The following CCDC13 variants were observed in gnomAD, a reference collection of about 807,000 sequenced individuals.
The protein encoded by CCDC13 is coiled-coil domain-containing protein 13.
Under a neutral mutation model 87.3 loss-of-function variants are expected in CCDC13, and 70 were observed. The observed-to-expected ratio is 0.80, with a 90% confidence interval of 0.66 to 0.98. CCDC13 has a LOEUF of 0.98. CCDC13 is among the 50% of genes least tolerant of loss of function. The probability of loss-of-function intolerance (pLI) is 0.00; values close to 1 mark genes in which losing one functional copy is unlikely to be tolerated. For synonymous variants in CCDC13, 317 were observed against 360.3 expected, an observed-to-expected ratio of 0.88 and a Z score of 1.36; for missense variants, 842 against 892.0, an observed-to-expected ratio of 0.94 and a Z score of 0.71.
chr3:42,756,806 T>C (rs1452568982), intron 3 of CCDC13, among the ~76,000 whole-genome samples: 2 of 152,184 alleles, frequency 1.3e-5, no homozygotes, highest in African/African-American at 2.4e-5. Context: ...ACATTGCCTA[T>C]GATGCTTGCC....
intron 9 of CCDC13, 127 bp downstream of exon 9, chr3:42,739,507 G>T (rs1699141563): frequency 1.9e-6 from 2 of 1,044,742 alleles, no homozygotes; most frequent in South Asian, 1.6e-5. Flanking sequence ...CCATCTGGAG[G>T]CAACGGGCTT....
In CCDC13 at chr3:42,743,658, AAT is replaced by A. The variant is rs539369504; in HGVS notation, c.826-603_826-602del. Among the ~76,000 whole-genome samples, 18 of 140,388 alleles carry A rather than the reference AAT, an allele frequency of 1.3e-4. No individual in the cohort carries two copies. The East Asian group carries it at 2.1e-3, about 17-fold the overall frequency. 92.1% of individuals were successfully genotyped at this position (140,388 alleles called of 152,430 possible). A position where few individuals can be genotyped will look rare whatever the true frequency, so the allele number is the denominator to read the frequency against. On this transcript the variant is annotated intron_variant, in intron 7 of 15. Coordinates refer to ENST00000310232, the MANE Select transcript of CCDC13 (RefSeq NM_144719.4). ...ACACACACATAAATATATAAATATA[AAT>A]ATATATATATATAAAATTTGGTAGA...
At chr3:42,738,410 A>T (rs949788972) in intron 9 of CCDC13, among the ~76,000 whole-genome samples, 2 of 152,120 alleles carry the variant, frequency 1.3e-5, no homozygotes, top group Non-Finnish European at 2.9e-5. Context: ...TTTTGATTCC[A>T]TATGAACTTT....
rs200185877 is a variant in CCDC13 at position 42,738,536 on chromosome 3, C to A, written c.1164+1098G>T. Among the ~76,000 whole-genome samples, 14 of 152,260 alleles carry A rather than the reference C, an allele frequency of 9.2e-5. No individual in the cohort carries two copies. In the East Asian group the frequency reaches 2.7e-3, roughly 29 times the overall value. Reference sequence around the variant, plus strand: ...ATTTTCATGATATTGACTCTTCCTACCCATGAGCATGGAATATTCTTCCAT... The same window carrying A: ...ATTTTCATGATATTGACTCTTCCTAACCATGAGCATGGAATATTCTTCCAT... On this transcript the variant is annotated intron_variant, in intron 9 of 15. Transcript: ENST00000310232.
intron 12 of CCDC13, 81 bp downstream of exon 12, chr3:42,732,806 C>T (rs540162764): frequency 1.6e-6 from 2 of 1,277,328 alleles, no homozygotes; most frequent in East Asian, 2.5e-5. Context: ...AGTTTCCCCT[C>T]CTTTTAATGG....
rs1699273215 is a variant in CCDC13 at position 42,743,115 on chromosome 3, A to G, written c.826-58T>C. On this transcript the variant is annotated intron_variant, in intron 7 of 15. Transcript: ENST00000310232. ...GGTCTTCTGCCAGCCTCTTCTACTC[A>G]GAAGTGTGATAGGAGACCCCACAGA... The G allele has an allele frequency of 2.5e-6, 4 of 1,597,302 alleles. No homozygotes were observed. The African/African-American group carries it at 4.0e-5, about 16-fold the overall frequency.
chr3:42,752,744 A>G (rs762045932), intron 3 of CCDC13, 27 bp from the exon 4 acceptor site: 20 of 1,612,674 alleles, frequency 1.2e-5, no homozygotes, highest in Admixed American at 6.7e-5. Context: ...GGTGAGGTCA[A>G]TTAAAAACAC....
At chr3:42,716,832 A>C (rs1424814230) in intron 13 of CCDC13, among the ~76,000 whole-genome samples, 1 of 152,216 alleles carries the variant, frequency 6.6e-6, no homozygotes, top group East Asian at 1.9e-4. Flanking sequence ...TCCACTTCTC[A>C]AATTGAAAAC....
chr3:42,743,610 C>CACACACAT (rs1261467201), intron 7 of CCDC13, among the ~76,000 whole-genome samples: 4 of 87,636 alleles, frequency 4.6e-5, no homozygotes, highest in African/African-American at 1.9e-4. Flanking sequence ...TACACACACA[C>CACACACAT]ATATATATAT....
chr3:42,734,670 C>A (rs545288258), intron 10 of CCDC13, among the ~76,000 whole-genome samples: 3 of 152,332 alleles, frequency 2.0e-5, no homozygotes, highest in African/African-American at 7.2e-5. Flanking sequence ...TCCCCAGAAA[C>A]AAAGAGCAGG....
intron 5 of CCDC13, among the ~76,000 whole-genome samples, chr3:42,750,429 C>T (rs1445390695): frequency 6.6e-6 from 1 of 152,166 alleles, no homozygotes; most frequent in Non-Finnish European, 1.5e-5. Context: ...TGGGATTCTC[C>T]ATAGACAGAG....
chr3:42,745,836 T>C, intron 7 of CCDC13, 87 bp downstream of exon 7: 1 of 1,044,280 alleles, frequency 9.6e-7, no homozygotes. Context: ...TACTGTGTGC[T>C]TAGGTCTCTA....
rs908109974 is a variant in CCDC13, at chr3:42,706,535, G to A, written c.*2445C>T. The A allele has an allele frequency of 3.9e-5, 6 of 152,200 alleles. No homozygotes were observed. The highest frequency in any genetic ancestry group is 4.8e-5 in the African/African-American group (2 of 41,444). 9.4% of individuals were successfully genotyped at this position (152,200 alleles called of 1,614,324 possible). A position where few individuals can be genotyped will look rare whatever the true frequency, so the allele number is the denominator to read the frequency against. On this transcript the variant is annotated 3_prime_UTR_variant, in exon 16 of 16. Transcript: ENST00000310232. ...AGACATGACAGGCACTCCCGCACAT[G>A]GCACCACAGCAATGCTGTCAAGGTT...
intron 6 of CCDC13, chr3:42,746,749 T>C (rs547429652): frequency 5.5e-6 from 1 of 180,950 alleles, no homozygotes; most frequent in South Asian, 1.2e-4. Context: ...TAAATAAAAA[T>C]AAATAACGAA....
chr3:42,717,668 C>A (rs1489884039), intron 13 of CCDC13, among the ~76,000 whole-genome samples: 2 of 152,206 alleles, frequency 1.3e-5, no homozygotes, highest in African/African-American at 4.8e-5. Context: ...ATATACCACA[C>A]AAATTTATTA....
intron 8 of CCDC13, among the ~76,000 whole-genome samples, chr3:42,741,887 T>G (rs1428642981): frequency 6.6e-6 from 1 of 151,946 alleles, no homozygotes; most frequent in Non-Finnish European, 1.5e-5. Flanking sequence ...CGCTGGGAGG[T>G]GCAATGTGGT....
rs1698214412 is a variant in CCDC13 at position 42,707,968 on chromosome 3, ATCT to A, written c.*1009_*1011del. On this transcript the variant is annotated 3_prime_UTR_variant, in exon 16 of 16. Transcript: ENST00000310232. ...CACTGACAGTCATAGAGGCCTGCGG[ATCT>A]TAGGGTGCCCCTGCAGCATCCCTCC... Among the ~76,000 whole-genome samples the A allele has an allele frequency of 6.6e-6, 1 of 152,114 alleles. No individual in the cohort carries two copies. The highest frequency in any genetic ancestry group is 1.5e-5 in the Non-Finnish European group (1 of 68,018).
chr3:42,765,401 C>T (rs567655857), intron 1 of CCDC13, among the ~76,000 whole-genome samples: 2 of 152,130 alleles, frequency 1.3e-5, no homozygotes, highest in East Asian at 1.9e-4. Context: ...GCCAGGGTGT[C>T]TATTTTTATT....
intron 13 of CCDC13, among the ~76,000 whole-genome samples, chr3:42,719,718 T>C (rs1358403877): frequency 1.3e-5 from 2 of 152,198 alleles, no homozygotes; most frequent in Admixed American, 6.5e-5. Context: ...AGCTTGACCT[T>C]GTAACCATGT....
Sources: gnomAD v4.1 joint callset for allele counts (sites outside exome capture counted in the v4.1 genomes callset) on GRCh38, gnomAD v4.1.1 for gene constraint, MANE v1.5 for transcripts, NCBI Gene and HGNC (gene_info 2026-07-23, HGNC 2026-07-21) for gene names.